C13orf46: variants seen among roughly 807,000 people sequenced by gnomAD.
The protein encoded by C13orf46 is chromosome 13 open reading frame 46, also known as uncharacterized protein C13orf46.
the C13orf46 span, among the ~76,000 whole-genome samples, chr13:113,942,573 G>A: frequency 5.3e-5 from 8 of 152,160 alleles, no homozygotes; most frequent in African/African-American, 1.9e-4. Flanking sequence ...CTTGCCAAAT[G>A]GGCTGGACTT....
chr13:113,947,293 C>A, the C13orf46 span, among the ~76,000 whole-genome samples: 5 of 152,162 alleles, frequency 3.3e-5, no homozygotes, highest in African/African-American at 4.8e-5. Flanking sequence ...GAGGCTGGAG[C>A]AACTGGGAGT....
the C13orf46 span, among the ~76,000 whole-genome samples, chr13:113,937,209 G>A: frequency 0.013 from 1,988 of 152,244 alleles, 71 homozygotes; most frequent in East Asian, 0.078. Flanking sequence ...TTTTGCAAAG[G>A]TGGGTTCATG....
chr13:113,950,793 C>T (rs979746997), downstream of C13orf46, among the ~76,000 whole-genome samples: 5 of 152,198 alleles, frequency 3.3e-5, no homozygotes, highest in Non-Finnish European at 5.9e-5. Context: ...AGGAGAGACT[C>T]CCTCCCGCTC....
the C13orf46 span, among the ~76,000 whole-genome samples, chr13:113,939,596 C>T: frequency 5.3e-5 from 8 of 152,212 alleles, no homozygotes; most frequent in South Asian, 2.1e-4. Flanking sequence ...AATAAGCAGC[C>T]GCCTCCTCCT....
chr13:113,969,768 C>T (rs2052684585), intron 2 of C13orf46, among the ~76,000 whole-genome samples: 1 of 152,146 alleles, frequency 6.6e-6, no homozygotes, highest in Admixed American at 6.5e-5. Context: ...CTGTCCAGGG[C>T]CCCACGCCCT....
chr13:113,971,259 G>A (rs1356335492), intron 1 of C13orf46, among the ~76,000 whole-genome samples: 1 of 152,216 alleles, frequency 6.6e-6, no homozygotes, highest in Non-Finnish European at 1.5e-5. Context: ...TGCTTGTGAT[G>A]GAAGAGACCA....
chr13:113,929,172 G>A, the C13orf46 span, among the ~76,000 whole-genome samples: 5 of 152,356 alleles, frequency 3.3e-5, no homozygotes, highest in East Asian at 9.6e-4. Flanking sequence ...GCCATGGGGA[G>A]CAACCCTGTT....
chr13:113,935,751 G>A, the C13orf46 span, among the ~76,000 whole-genome samples: 2 of 152,130 alleles, frequency 1.3e-5, no homozygotes, highest in African/African-American at 2.4e-5. Context: ...TTTTTACACT[G>A]AACTTTTCTC....
chr13:113,973,853 C>T lies in C13orf46; in HGVS notation c.145G>A (p.Glu49Lys), dbSNP rs908814526. Residue 49 changes from glutamate to lysine, a missense_variant, in exon 1 of 7, where the codon GAG becomes AAG. Coordinates refer to ENST00000636427, the MANE Select transcript of C13orf46 (RefSeq NM_001365455.2). ...RSRSLGGLQP[E>K]GDPPSRPRKP... The stretch of plus-strand genomic sequence containing the variant: ...CTAGGGCGGCTGGGAGGGTCCCCCT[C>T]GGGCTGCAGGCCTCCCAGACTCCTG... 1.2e-4 allele frequency: 18 copies of T among 152,314 alleles called. No individual in the cohort carries two copies. The highest frequency in any genetic ancestry group is 3.6e-4 in the African/African-American group (15 of 41,468). 9.4% of individuals were successfully genotyped at this position (152,314 alleles called of 1,614,324 possible).
chr13:113,968,584 C>T lies in C13orf46; in HGVS notation c.408+11G>A, dbSNP rs2052672912. 2.0e-5 allele frequency: 3 copies of T among 152,350 alleles called. No individual in the cohort carries two copies. The allele number at this position is 152,350 out of a possible 1,614,324, so 9.4% of individuals were successfully genotyped here. A position where few individuals can be genotyped will look rare whatever the true frequency, so the allele number is the denominator to read the frequency against. The stretch of plus-strand genomic sequence containing the variant: ...GAGGAAAAAATGCACCGCTCCTCAG[C>T]GTGGCCCAACCTTGGCCTCCTGCAA... On this transcript the variant is annotated intron_variant, in intron 3 of 6. Coordinates refer to ENST00000636427, the MANE Select transcript of C13orf46 (RefSeq NM_001365455.2).
the C13orf46 span, among the ~76,000 whole-genome samples, chr13:113,930,968 G>A: frequency 1.1e-3 from 163 of 152,348 alleles, no homozygotes; most frequent in African/African-American, 3.6e-3. Flanking sequence ...TCCACAGAAA[G>A]CCCGTGGGTG....
chr13:113,965,778 GATGATGGTAATT>G, intron 5 of C13orf46, among the ~76,000 whole-genome samples: 2 of 151,040 alleles, frequency 1.3e-5, no homozygotes, highest in African/African-American at 4.9e-5. Flanking sequence ...TGGTGATGGT[GATGATGGTAATT>G]ATAATGGTGG....
chr13:113,938,721 C>T, the C13orf46 span, among the ~76,000 whole-genome samples: 2 of 152,202 alleles, frequency 1.3e-5, no homozygotes, highest in African/African-American at 2.4e-5. Context: ...CCCTTCCACA[C>T]GTCCGCCGTG....
the C13orf46 span, among the ~76,000 whole-genome samples, chr13:113,934,578 A>T: frequency 6.6e-6 from 1 of 152,208 alleles, no homozygotes; most frequent in East Asian, 1.9e-4. Flanking sequence ...ATGGGAAAAG[A>T]AAGATTGTGT....
Position 113,954,433 on chromosome 13 carries a change from A to T in C13orf46, c.*2340T>A, listed in dbSNP as rs2052504903. ...ACAGGCATGTCCTGGAGCCCCCCAC[A>T]CCCCTAGGAAGACTCCCTCTCCTCC... On this transcript the variant is annotated 3_prime_UTR_variant, in exon 7 of 7. Coordinates refer to ENST00000636427, the MANE Select transcript of C13orf46 (RefSeq NM_001365455.2). The T allele has an allele frequency of 6.6e-6, 1 of 151,978 alleles. No homozygotes were observed. The highest frequency in any genetic ancestry group is 1.5e-5 in the Non-Finnish European group (1 of 68,092). The allele number at this position is 151,978 out of a possible 1,614,324, so 9.4% of individuals were successfully genotyped here.
At chr13:113,948,180 G>C in the C13orf46 span, among the ~76,000 whole-genome samples, 1 of 152,192 alleles carries the variant, frequency 6.6e-6, no homozygotes, top group South Asian at 2.1e-4. Flanking sequence ...ACATAGACAT[G>C]ACTCAGCATG....
intron 5 of C13orf46, among the ~76,000 whole-genome samples, chr13:113,965,958 GGTGATTATA>G (rs2052638908): frequency 6.8e-6 from 1 of 147,634 alleles, no homozygotes; most frequent in Non-Finnish European, 1.5e-5. Flanking sequence ...TGATGGTGAT[GGTGATTATA>G]ATGTTGGTGA....
the C13orf46 span, among the ~76,000 whole-genome samples, chr13:113,946,073 C>T: frequency 5.9e-5 from 9 of 152,362 alleles, no homozygotes; most frequent in East Asian, 5.8e-4. Flanking sequence ...GCGTTTAAAA[C>T]GCTAACCGAA....
downstream of C13orf46, among the ~76,000 whole-genome samples, chr13:113,953,553 C>G (rs2052498281): frequency 6.6e-6 from 1 of 152,206 alleles, no homozygotes; most frequent in African/African-American, 2.4e-5. Flanking sequence ...AAAGGCGCGT[C>G]TGACTCTGGA....
Sources: allele counts gnomAD v4.1 joint callset (sites outside exome capture counted in the v4.1 genomes callset), GRCh38; gene constraint gnomAD v4.1.1; transcripts MANE v1.5; gene names NCBI Gene and HGNC (gene_info 2026-07-23, HGNC 2026-07-21).